VPS37B: variants seen among roughly 807,000 people sequenced by gnomAD.
VPS37B encodes vacuolar protein sorting-associated protein 37B.
In VPS37B, 11 loss-of-function variants were observed where a neutral mutation model predicts 21.2. That is an observed-to-expected ratio of 0.52 (90% CI 0.33 to 0.86). VPS37B has a LOEUF of 0.86. Among genes scored for constraint, VPS37B ranks in the 40% least tolerant of loss-of-function variants. VPS37B has a pLI of 0.03. For missense variants in VPS37B, 389 were observed against 374.8 expected, an observed-to-expected ratio of 1.04 and a Z score of -0.31; for synonymous variants, 175 against 159.6, an observed-to-expected ratio of 1.10 and a Z score of -0.73.
rs1213484045 is a variant in VPS37B, at chr12:122,885,722, C to T, written c.111+10230G>A. 19 of 133,884 alleles carry T rather than the reference C, an allele frequency of 1.4e-4. No homozygotes were observed. In the South Asian group the frequency reaches 1.7e-3, roughly 12 times the overall value. The allele number at this position is 133,884 out of a possible 1,614,324, so 8.3% of individuals were successfully genotyped here. ...TTTTTGAGACGGAGTCTCGCTCTGT[C>T]GCCCAGGCTGGAGTGCAGTGGCGCG... On this transcript the variant is annotated intron_variant, in intron 1 of 3. Coordinates refer to ENST00000267202, the MANE Select transcript of VPS37B (RefSeq NM_024667.3).
At chr12:122,871,491 T>C in intron 1 of VPS37B, 2 of 988,324 alleles carry the variant, frequency 2.0e-6, no homozygotes, top group South Asian at 4.6e-5. Context: ...CCAGTTGGCA[T>C]GATGTCAATT....
At chr12:122,894,609 G>T (rs1310909884) in intron 1 of VPS37B, among the ~76,000 whole-genome samples, 1 of 152,318 alleles carries the variant, frequency 6.6e-6, no homozygotes, top group East Asian at 1.9e-4. Context: ...ATAAAGGAGT[G>T]GTAGGTGGGC....
rs2033911622 is a variant in VPS37B, at chr12:122,866,920, G to A, written c.*196C>T. The A allele has an allele frequency of 2.5e-5, 14 of 551,126 alleles. No individual in the cohort carries two copies. The highest frequency in any genetic ancestry group is 2.0e-4 in the East Asian group (6 of 30,704). The allele number at this position is 551,126 out of a possible 1,614,324, so 34.1% of individuals were successfully genotyped here. A position where few individuals can be genotyped will look rare whatever the true frequency, so the allele number is the denominator to read the frequency against. ...ACGCACAGGTGTCAGGCTGTAACCC[G>A]GCACACACAACTGCCTTGATGCCCA... On this transcript the variant is annotated 3_prime_UTR_variant, in exon 4 of 4. Coordinates refer to ENST00000267202, the MANE Select transcript of VPS37B (RefSeq NM_024667.3).
chr12:122,870,698 C>T, intron 2 of VPS37B, 192 bp downstream of exon 2: 1 of 566,030 alleles, frequency 1.8e-6, no homozygotes, highest in South Asian at 2.5e-5. Context: ...CCACTGCACT[C>T]CAGTCTGACA....
rs1353979111 is a variant in VPS37B at position 122,867,921 on chromosome 12, A to G, written c.367-314T>C. Among the ~76,000 whole-genome samples the G allele has an allele frequency of 6.6e-6, 1 of 151,008 alleles. No individual in the cohort carries two copies. Among genetic ancestry groups the G allele is most frequent in the African/African-American group, 2.5e-5 (1 of 40,294 alleles). ...CCTCTCTCGAGCCCGCTGGAGTCCA[A>G]CACCTCCTTGCTTCCACCCGGCTGC... On this transcript the variant is annotated intron_variant, in intron 3 of 3. Coordinates refer to ENST00000267202, the MANE Select transcript of VPS37B (RefSeq NM_024667.3). The surrounding 1 kb of genome is among the most constrained non-coding windows in gnomAD (Gnocchi z 5.5).
In VPS37B at chr12:122,866,077, C is replaced by CCTG. The variant is rs2135690341; in HGVS notation, c.*1036_*1038dup. ...TCAAGGCGGCCGGACGTCTTGACCACCTGTAACAGGGCAATGAACTTGGAC... is the reference window on the plus strand; with the variant it reads ...TCAAGGCGGCCGGACGTCTTGACCACCTGCTGTAACAGGGCAATGAACTTGGAC... On this transcript the variant is annotated 3_prime_UTR_variant, in exon 4 of 4. Transcript: ENST00000267202. The CCTG allele has an allele frequency of 6.5e-6, 1 of 152,772 alleles. No individual in the cohort carries two copies. Among genetic ancestry groups the CCTG allele is most frequent in the East Asian group, 1.9e-4 (1 of 5,182 alleles). The allele number at this position is 152,772 out of a possible 1,614,324, so 9.5% of individuals were successfully genotyped here. A position where few individuals can be genotyped will look rare whatever the true frequency, so the allele number is the denominator to read the frequency against.
At chr12:122,889,916 C>T (rs1397458532) in intron 1 of VPS37B, 1 of 152,230 alleles carries the variant, frequency 6.6e-6, no homozygotes, top group Admixed American at 6.5e-5. Context: ...AGAACTCGCT[C>T]GTCGGACAAC....
chr12:122,872,870 C>T (rs76551298), intron 1 of VPS37B: 6,024 of 228,732 alleles, frequency 0.026, 397 homozygotes, highest in African/African-American at 0.13. Flanking sequence ...AAAATCTGGA[C>T]GCAGCCCAGG....
chr12:122,876,758 T>C (rs1204284398), intron 1 of VPS37B: 2 of 151,266 alleles, frequency 1.3e-5, no homozygotes, highest in Admixed American at 6.6e-5. Context: ...AATGCACATG[T>C]CATTATTTCT....
chr12:122,888,828 G>T, intron 1 of VPS37B: 1 of 304,324 alleles, frequency 3.3e-6, no homozygotes, highest in African/African-American at 2.2e-5. Flanking sequence ...ACAAGCACTT[G>T]GAGGAGAGTG....
At chr12:122,877,018 C>T (rs1258720755) in intron 1 of VPS37B, 1 of 152,166 alleles carries the variant, frequency 6.6e-6, no homozygotes, top group Non-Finnish European at 1.5e-5. Context: ...CTAGCTCCTC[C>T]ACCTGTAATT....
chr12:122,871,295 G>C (rs1449257236), intron 1 of VPS37B: 1 of 1,296,140 alleles, frequency 7.7e-7, no homozygotes, highest in Non-Finnish European at 9.8e-7. Flanking sequence ...CACGTTTCCA[G>C]GACAGGCTTT....
chr12:122,892,952 G>A lies in VPS37B; in HGVS notation c.111+3000C>T, dbSNP rs1409129869. Among the ~76,000 whole-genome samples the A allele has an allele frequency of 4.6e-5, 7 of 151,962 alleles. No individual in the cohort carries two copies. The South Asian group carries it at 1.0e-3, about 22-fold the overall frequency. ...GGCGCACACCTGTGAGCCCTGCTAC[G>A]CAGGAGGCTAAGGCACGAGAATCAC... On this transcript the variant is annotated intron_variant, in intron 1 of 3. Transcript: ENST00000267202.
Position 122,868,604 on chromosome 12 carries a change from C to A in VPS37B, c.284-42G>T. 2 of 1,569,368 alleles carry A rather than the reference C, an allele frequency of 1.3e-6. No homozygotes were observed. Among genetic ancestry groups the A allele is most frequent in the South Asian group, 2.3e-5 (2 of 88,730 alleles). On this transcript the variant is annotated intron_variant, in intron 2 of 3. Coordinates refer to ENST00000267202, the MANE Select transcript of VPS37B (RefSeq NM_024667.3). The surrounding 1 kb of genome is among the most constrained non-coding windows in gnomAD (Gnocchi z 5.5). ...AGGTATGACAAAAGTGAGAGGTGTCCAGGTAAAGCCCTTCATGATGCCAAC... is the reference window on the plus strand; with the variant it reads ...AGGTATGACAAAAGTGAGAGGTGTCAAGGTAAAGCCCTTCATGATGCCAAC...
At chr12:122,874,375 C>T (rs1338536458) in intron 1 of VPS37B, 1 of 152,208 alleles carries the variant, frequency 6.6e-6, no homozygotes, top group Non-Finnish European at 1.5e-5. Flanking sequence ...ATGCTGCCTT[C>T]AAAGCTCCCT....
intron 1 of VPS37B, among the ~76,000 whole-genome samples, chr12:122,890,689 C>T (rs907140064): frequency 6.6e-6 from 1 of 152,116 alleles, no homozygotes; most frequent in Non-Finnish European, 1.5e-5. Context: ...AATTTTCCAT[C>T]GTAATCATTT....
In VPS37B at chr12:122,865,677, C is replaced by T. The variant is rs545858749; in HGVS notation, c.*1439G>A. The T allele has an allele frequency of 6.6e-6, 1 of 152,480 alleles. No homozygotes were observed. The highest frequency in any genetic ancestry group is 2.1e-4 in the South Asian group (1 of 4,832). The allele number at this position is 152,480 out of a possible 1,614,324, so 9.4% of individuals were successfully genotyped here. On this transcript the variant is annotated 3_prime_UTR_variant, in exon 4 of 4. Transcript: ENST00000267202. ...ATGTACGGTCACTGAGGACAAAAGGCAGTGGCCTGGCCCGTGGCCCAGACC... is the reference window on the plus strand; with the variant it reads ...ATGTACGGTCACTGAGGACAAAAGGTAGTGGCCTGGCCCGTGGCCCAGACC...
rs1168906741 is a variant in VPS37B at position 122,896,018 on chromosome 12, C to G, written c.45G>C (p.Leu15=). The G allele has an allele frequency of 6.3e-7, 1 of 1,595,778 alleles. No homozygotes were observed. The highest frequency in any genetic ancestry group is 8.5e-7 in the Non-Finnish European group (1 of 1,173,732). ...CCTCCAGCAGCTCGTTGAGCTGCAC[C>G]AGCGACAGCCCGGCGAACCGGGCTT... The part of the protein sequence containing the change: ...GSEARFAGLS[L]VQLNELLEDE... Residue 15 remains leucine (L), a synonymous_variant, in exon 1 of 4, where the codon CTG becomes CTC. Coordinates refer to ENST00000267202, the MANE Select transcript of VPS37B (RefSeq NM_024667.3).
Position 122,870,969 on chromosome 12 carries a change from C to G in VPS37B, c.204G>C (p.Thr68=). 1 of 1,614,212 alleles carries G rather than the reference C, an allele frequency of 6.2e-7. No individual in the cohort carries two copies. The highest frequency in any genetic ancestry group is 8.5e-7 in the Non-Finnish European group (1 of 1,180,034). The change falls in exon 2 of 4, where the codon ACG becomes ACC. Residue 68 remains threonine, a synonymous_variant. Transcript: ENST00000267202. ...ATTTCTGGGTCAAGCGTGCTTTCAA[C>G]GTGTCCAGCTGGGGCTGGTACAAAA... The part of the protein sequence containing the change: ...GNLLYQPQLD[T]LKARLTQKYQ...
Sources: allele counts gnomAD v4.1 joint callset (sites outside exome capture counted in the v4.1 genomes callset), GRCh38; gene constraint gnomAD v4.1.1; non-coding constraint Gnocchi (gnomAD v3.1); transcripts MANE v1.5; gene names NCBI Gene and HGNC (gene_info 2026-07-23, HGNC 2026-07-21).